DIMT1: variants seen among roughly 807,000 people sequenced by gnomAD.
DIMT1 encodes dimethyladenosine transferase.
In DIMT1, 36 loss-of-function variants were observed where a neutral mutation model predicts 43.2. That is an observed-to-expected ratio of 0.83 (90% CI 0.64 to 1.10). The LOEUF is 1.10. DIMT1 is among the 50% of genes least tolerant of loss of function. The pLI is 0.00. For missense variants in DIMT1, 341 were observed against 385.3 expected, an observed-to-expected ratio of 0.88 and a Z score of 0.96; for synonymous variants, 126 against 130.3, an observed-to-expected ratio of 0.97 and a Z score of 0.22.
Position 62,402,063 on chromosome 5 carries a change from A to C in DIMT1, c.213T>G (p.Thr71=), listed in dbSNP as rs766058886. Residue 71 remains threonine, a synonymous_variant, in exon 3 of 12, where the codon ACT becomes ACG. Coordinates refer to ENST00000199320, the MANE Select transcript of DIMT1 (RefSeq NM_014473.4). ...LEVGPGTGNM[T]VKLLEKAKKV... ...TTTTTGCCTTTTCTAACAACTTTAC[A>C]GTCATGTTGCCAGTTCCAGGTCCAA... 2 of 1,613,842 alleles carry C rather than the reference A, an allele frequency of 1.2e-6. No homozygotes were observed. Among genetic ancestry groups the C allele is most frequent in the African/African-American group, 1.3e-5 (1 of 74,916 alleles).
At chr5:62,393,096 T>C in intron 8 of DIMT1, 106 bp from the exon 9 acceptor site, 2 of 630,278 alleles carry the variant, frequency 3.2e-6, no homozygotes, top group South Asian at 2.5e-5. Flanking sequence ...AAGGAAACTT[T>C]CTGAAGTGAA....
At position 62,402,088 on chromosome 5, in the gene DIMT1, A is replaced by G. The variant is rs1272387864; in HGVS notation, c.188T>C (p.Val63Ala). ...AGTCATGTTGCCAGTTCCAGGTCCAACTTCCAGCACTACATCAGTTGGTCT... is the reference window on the plus strand; with the variant it reads ...AGTCATGTTGCCAGTTCCAGGTCCAGCTTCCAGCACTACATCAGTTGGTCT... ...ALRPTDVVLE[V>A]GPGTGNMTVK... is the part of the protein sequence containing the mutation. Residue 63 changes from valine to alanine, a missense_variant, in exon 3 of 12, where the codon GTT becomes GCT. Physicochemically the swap from Val to Ala is moderately conservative, Grantham distance 64 (BLOSUM62 0). Transcript: ENST00000199320. 3 of 1,613,982 alleles carry G rather than the reference A, an allele frequency of 1.9e-6. No individual in the cohort carries two copies. Among genetic ancestry groups the G allele is most frequent in the Non-Finnish European group, 2.5e-6 (3 of 1,179,968 alleles).
chr5:62,395,206 G>C (rs1171094404), intron 6 of DIMT1, among the ~76,000 whole-genome samples: 1 of 151,800 alleles, frequency 6.6e-6, no homozygotes, highest in African/African-American at 2.4e-5. Flanking sequence ...TCTATTTTTA[G>C]TAGAGACAGT....
intron 11 of DIMT1, among the ~76,000 whole-genome samples, chr5:62,389,536 G>A (rs1391696801): frequency 6.8e-6 from 1 of 147,126 alleles, no homozygotes; most frequent in Non-Finnish European, 1.5e-5. Context: ...TATAAGATAT[G>A]TATTGGTTAA....
At chr5:62,403,382 C>T in intron 1 of DIMT1, 36 bp from the exon 2 acceptor site, 1 of 1,594,414 alleles carries the variant, frequency 6.3e-7, no homozygotes, top group South Asian at 1.1e-5. Flanking sequence ...AATTTTCCTA[C>T]TGAGATTAGA....
chr5:62,395,533 A>G lies in DIMT1; in HGVS notation c.447-926T>C, dbSNP rs1275868253. On this transcript the variant is annotated intron_variant, in intron 6 of 11. Coordinates refer to ENST00000199320, the MANE Select transcript of DIMT1 (RefSeq NM_014473.4). ...TTCAAAACAAAAGTTTCATGAAACC[A>G]TAATCACCTGGACTACATGCAATGC... 2.6e-5 allele frequency among the ~76,000 whole-genome samples: 4 copies of G among 152,340 alleles called. No homozygotes were observed. In the East Asian group the frequency reaches 7.7e-4, roughly 29 times the overall value.
At chr5:62,401,984 G>T in intron 3 of DIMT1, 52 bp downstream of exon 3, 2 of 1,545,426 alleles carry the variant, frequency 1.3e-6, no homozygotes, top group East Asian at 2.3e-5. Context: ...TAAACCAACT[G>T]AGCTTGCTAA....
chr5:62,392,154 A>T lies in DIMT1; in HGVS notation c.792+17T>A. 6.2e-7 allele frequency: 1 copy of T among 1,609,558 alleles called. No homozygotes were observed. The highest frequency in any genetic ancestry group is 1.3e-5 in the African/African-American group (1 of 74,848). ...GAAAACAAATCAATGAAACTGCAGG[A>T]ACATTTTCTAACTTACAATATTATG... On this transcript the variant is annotated intron_variant, in intron 10 of 11. Coordinates refer to ENST00000199320, the MANE Select transcript of DIMT1 (RefSeq NM_014473.4).
Position 62,387,800 on chromosome 5 carries a change from T to TG in DIMT1, c.*1209dup, listed in dbSNP as rs1742109416. ...TATTTGTTTAACAAAAGCAGCTTGATGCCTTTGTTCTGGATTATACATTAA... is the reference window on the plus strand; with the variant it reads ...TATTTGTTTAACAAAAGCAGCTTGATGGCCTTTGTTCTGGATTATACATTAA... On this transcript the variant is annotated 3_prime_UTR_variant, in exon 12 of 12. Transcript: ENST00000199320. 1.3e-5 allele frequency: 2 copies of TG among 152,166 alleles called. No individual in the cohort carries two copies. The highest frequency in any genetic ancestry group is 4.8e-5 in the African/African-American group (2 of 41,444). 9.4% of individuals were successfully genotyped at this position (152,166 alleles called of 1,614,324 possible).
At chr5:62,392,116 G>T (rs1742323510) in intron 10 of DIMT1, 55 bp downstream of exon 10, 21 of 1,603,366 alleles carry the variant, frequency 1.3e-5, no homozygotes, top group Admixed American at 1.7e-5. Context: ...GAATAAAAAT[G>T]GACATTTTAA....
chr5:62,389,184 G>T, intron 11 of DIMT1, 132 bp from the exon 12 acceptor site: 1 of 729,280 alleles, frequency 1.4e-6, no homozygotes, highest in Non-Finnish European at 2.2e-6. Flanking sequence ...CCTAATACTA[G>T]TTATTAAAGA....
chr5:62,399,906 A>AAAAC lies in DIMT1; in HGVS notation c.241-1029_241-1026dup, dbSNP rs146632636. ...GGCAACAGAGCGAGACTCCATCTCA[A>AAAAC]AAACAAACAAACAAACAAACAAACA... On this transcript the variant is annotated intron_variant, in intron 3 of 11. Coordinates refer to ENST00000199320, the MANE Select transcript of DIMT1 (RefSeq NM_014473.4). 7.8e-3 allele frequency among the ~76,000 whole-genome samples: 1,183 copies of AAAAC among 152,164 alleles called. 22 individuals carry two copies. The highest frequency in any genetic ancestry group is 0.025 in the African/African-American group (1,027 of 41,524).
At chr5:62,395,235 G>A (rs13190153) in intron 6 of DIMT1, among the ~76,000 whole-genome samples, 8,519 of 151,982 alleles carry the variant, frequency 0.056, 334 homozygotes, top group East Asian at 0.14. Context: ...ATGTTGGCCA[G>A]GCTGGTCTGG....
At position 62,392,229 on chromosome 5, in the gene DIMT1, C is replaced by T. The variant is rs190142959; in HGVS notation, c.734G>A (p.Ser245Asn). 1.9e-6 allele frequency: 3 copies of T among 1,613,318 alleles called. No homozygotes were observed. Among genetic ancestry groups the T allele is most frequent in the Admixed American group, 3.3e-5 (2 of 59,970 alleles). Residue 245 changes from serine (S) to asparagine (N), a missense_variant, in exon 10 of 12, where the codon AGT (serine) becomes AAT (asparagine). By Grantham distance (46) the Ser-to-Asn change is conservative (BLOSUM62 1). Coordinates refer to ENST00000199320, the MANE Select transcript of DIMT1 (RefSeq NM_014473.4). ...NKTLSAAFKS[S>N]AVQQLLEKNY... ...TTTTTCCAAGAGTTGTTGCACTGCA[C>T]TTGATCTATAGCATAAAGAAGTGAT...
chr5:62,403,481 C>A, intron 1 of DIMT1, 135 bp from the exon 2 acceptor site: 1 of 1,002,104 alleles, frequency 1.0e-6, no homozygotes, highest in South Asian at 1.4e-5. Flanking sequence ...CCAGGACTGA[C>A]AAACTCTTTA....
intron 10 of DIMT1, 144 bp downstream of exon 10, chr5:62,392,027 A>G: frequency 1.2e-5 from 19 of 1,553,888 alleles, no homozygotes; most frequent in Non-Finnish European, 1.7e-5. Flanking sequence ...TCAAGTCAAA[A>G]TTGTGCTAGT....
rs781122695 is a variant in DIMT1, at chr5:62,403,296, TGA to T, written c.128_129del (p.Leu43HisfsTer3). On this transcript the variant is annotated frameshift_variant, in exon 2 of 12. Transcript: ENST00000199320. LOFTEE classifies it high-confidence loss of function. The stretch of plus-strand genomic sequence containing the variant: ...ACCTTATCGATAATGCTGTTAATAA[TGA>T]GAGGATTTTTCAAAATGTGCTGCCC... ...GIGQHILKNPLIINSIIDKAA... is the reference protein window; with the variant it reads ...GIGQHILKNPXIINSIIDKAA... 1.6e-4 allele frequency: 256 copies of T among 1,613,740 alleles called. No homozygotes were observed. Among genetic ancestry groups the T allele is most frequent in the Non-Finnish European group, 2.1e-4 (249 of 1,179,800 alleles).
At chr5:62,398,416 T>C in intron 6 of DIMT1, 95 bp downstream of exon 6, 1 of 1,256,632 alleles carries the variant, frequency 8.0e-7, no homozygotes, top group East Asian at 2.3e-5. Flanking sequence ...TCTTCAGTAG[T>C]TTTTCAACTG....
intron 11 of DIMT1, among the ~76,000 whole-genome samples, chr5:62,389,722 A>G (rs1205693381): frequency 6.6e-6 from 1 of 152,164 alleles, no homozygotes; most frequent in Non-Finnish European, 1.5e-5. Context: ...CCAATCTTAC[A>G]TGCCCCTTCT....
Sources: allele counts gnomAD v4.1 joint callset (sites outside exome capture counted in the v4.1 genomes callset), GRCh38; gene constraint gnomAD v4.1.1; transcripts MANE v1.5; gene names NCBI Gene and HGNC (gene_info 2026-07-23, HGNC 2026-07-21).